The following FAM184B variants were observed in gnomAD, a reference collection of about 807,000 sequenced individuals.
The protein encoded by FAM184B is protein FAM184B.
In FAM184B, 111 loss-of-function variants were observed where a neutral mutation model predicts 135.9. The ratio of observed to expected loss-of-function variants is 0.82; its 90% CI spans 0.70 to 0.96. FAM184B has a LOEUF of 0.96. FAM184B is among the 40% of genes least tolerant of loss of function. The pLI is 0.00. For synonymous variants in FAM184B, 552 were observed against 524.8 expected, an observed-to-expected ratio of 1.05 and a Z score of -0.71; for missense variants, 1,375 against 1,323.9, an observed-to-expected ratio of 1.04 and a Z score of -0.60.
intron 1 of FAM184B, among the ~76,000 whole-genome samples, chr4:17,715,272 C>T (rs1036930132): frequency 6.6e-6 from 1 of 151,880 alleles, no homozygotes; most frequent in African/African-American, 2.4e-5. Flanking sequence ...GTCAGGAGTT[C>T]GAGACCAGCC....
chr4:17,747,389 C>T (rs193266092), intron 1 of FAM184B, among the ~76,000 whole-genome samples: 105 of 152,176 alleles, frequency 6.9e-4, no homozygotes, highest in Non-Finnish European at 1.2e-3. Flanking sequence ...GGTTTAGCTC[C>T]GTTTCTGGCA....
intron 8 of FAM184B, among the ~76,000 whole-genome samples, chr4:17,661,322 G>A (rs189145759): frequency 6.6e-5 from 10 of 152,132 alleles, no homozygotes; most frequent in African/African-American, 1.9e-4. Flanking sequence ...AGGCAGAGGC[G>A]GGTGGATGAC....
Position 17,769,872 on chromosome 4 carries a change from T to C in FAM184B, c.141+11287A>G, listed in dbSNP as rs116902059. Among the ~76,000 whole-genome samples, 63 of 152,294 alleles carry C rather than the reference T, an allele frequency of 4.1e-4. 1 individual carries two copies. The East Asian group carries it at 0.012, about 28-fold the overall frequency. On this transcript the variant is annotated intron_variant, in intron 1 of 17. Transcript: ENST00000265018. ...GAGGACAGAAATAGACAGAAATCCC[T>C]ACCCTTAGGCAATAAACCAATAAAG...
intron 1 of FAM184B, among the ~76,000 whole-genome samples, chr4:17,720,883 TAAAAAAAA>T (rs59409749): frequency 2.0e-5 from 2 of 100,330 alleles, no homozygotes; most frequent in South Asian, 3.4e-4. Flanking sequence ...AGACTTCATC[TAAAAAAAA>T]AAAAAAAAAA....
chr4:17,637,297 G>A (rs533012083), intron 14 of FAM184B, among the ~76,000 whole-genome samples: 51 of 152,198 alleles, frequency 3.4e-4, no homozygotes, highest in Non-Finnish European at 6.8e-4. Flanking sequence ...AAAGTGCTGG[G>A]ATTACAGGCG....
intron 1 of FAM184B, among the ~76,000 whole-genome samples, chr4:17,755,177 C>T (rs927204204): frequency 2.0e-5 from 3 of 151,974 alleles, no homozygotes; most frequent in Non-Finnish European, 2.9e-5. Context: ...TTTTATACCT[C>T]AATTTGAATA....
chr4:17,662,146 G>A lies in FAM184B; in HGVS notation c.1695-2059C>T, dbSNP rs192029787. On this transcript the variant is annotated intron_variant, in intron 8 of 17. Transcript: ENST00000265018. ...ATGTTGCTCCTCATCATGACTTTTG[G>A]CCTCATCCATGTTGTTGTGTATGTC... is the stretch of plus-strand genomic sequence containing the variant. Among the ~76,000 whole-genome samples, 58 of 152,102 alleles carry A rather than the reference G, an allele frequency of 3.8e-4. 1 individual carries two copies. In the East Asian group the frequency reaches 0.01, roughly 27 times the overall value.
In FAM184B at chr4:17,636,610, G is replaced by C. The variant is rs1483292394; in HGVS notation, c.2702C>G (p.Ala901Gly). 1.3e-6 allele frequency: 2 copies of C among 1,550,358 alleles called. No individual in the cohort carries two copies. Among genetic ancestry groups the C allele is most frequent in the Non-Finnish European group, 1.7e-6 (2 of 1,146,810 alleles). Residue 901 changes from alanine (A) to glycine (G), a missense_variant, in exon 15 of 18, where the codon GCG becomes GGG. Physicochemically the swap from Ala to Gly is moderately conservative, Grantham distance 60 (BLOSUM62 0). Transcript: ENST00000265018. ...GAGCTGAAGGTCCTCGGGCCTGGAC[G>C]CTCCCTTCCCTGGCTTCTCTCCGGA... is the stretch of plus-strand genomic sequence containing the variant. ...KDSGEKPGKGASRPEDLQLIG... is the reference protein window; with the variant it reads ...KDSGEKPGKGGSRPEDLQLIG...
Position 17,647,528 on chromosome 4 carries a change from T to C in FAM184B, c.2346+109A>G, listed in dbSNP as rs181827556. On this transcript the variant is annotated intron_variant, in intron 12 of 17. Coordinates refer to ENST00000265018, the MANE Select transcript of FAM184B (RefSeq NM_015688.2). ...GCCTCCCAAAGTGCTAGATTCCAAG[T>C]GTGAGCCACTGCACTCAGCCTCAGA... 2.4e-3 allele frequency: 3,237 copies of C among 1,335,518 alleles called. 5 individuals carry two copies. Among genetic ancestry groups the C allele is most frequent in the Non-Finnish European group, 3.0e-3 (2,962 of 996,700 alleles). 82.7% of individuals were successfully genotyped at this position (1,335,518 alleles called of 1,614,324 possible). A position where few individuals can be genotyped will look rare whatever the true frequency, so the allele number is the denominator to read the frequency against.
intron 12 of FAM184B, among the ~76,000 whole-genome samples, chr4:17,645,775 T>C (rs1715450377): frequency 6.6e-6 from 1 of 151,854 alleles, no homozygotes; most frequent in Non-Finnish European, 1.5e-5. Context: ...GAAACTACCA[T>C]CAGAGTGAAC....
chr4:17,653,061 C>T (rs1239896434), intron 10 of FAM184B, 78 bp from the exon 11 acceptor site: 1 of 1,389,302 alleles, frequency 7.2e-7, no homozygotes, highest in African/African-American at 1.4e-5. Context: ...CCAAGCTCTT[C>T]TGAGCCAGGA....
Position 17,770,133 on chromosome 4 carries a change from A to C in FAM184B, c.141+11026T>G, listed in dbSNP as rs1391996420. 3.3e-5 allele frequency among the ~76,000 whole-genome samples: 5 copies of C among 152,362 alleles called. No individual in the cohort carries two copies. In the East Asian group the frequency reaches 9.6e-4, roughly 29 times the overall value. Reference sequence around the variant, plus strand: ...CTACCTCAAGTGACCACAATAAAAAAATTTATTATAAGGTGAATACATTTT... The same window carrying C: ...CTACCTCAAGTGACCACAATAAAAACATTTATTATAAGGTGAATACATTTT... On this transcript the variant is annotated intron_variant, in intron 1 of 17. Transcript: ENST00000265018.
At chr4:17,685,717 T>C (rs1716566634) in intron 7 of FAM184B, among the ~76,000 whole-genome samples, 1 of 152,114 alleles carries the variant, frequency 6.6e-6, no homozygotes, top group Admixed American at 6.5e-5. Flanking sequence ...ACATTTTTGG[T>C]TGGAAAGGTA....
chr4:17,683,692 C>G (rs1716501063), intron 7 of FAM184B, among the ~76,000 whole-genome samples: 1 of 152,042 alleles, frequency 6.6e-6, no homozygotes, highest in African/African-American at 2.4e-5. Context: ...CAAGGGAGAA[C>G]TAGGTGGTTG....
intron 7 of FAM184B, among the ~76,000 whole-genome samples, chr4:17,672,417 T>C (rs1458258199): frequency 1.3e-5 from 2 of 152,232 alleles, no homozygotes; most frequent in African/African-American, 4.8e-5. Context: ...TGAAGAGTGA[T>C]GATAGTGGGC....
chr4:17,736,228 A>T (rs1717905581), intron 1 of FAM184B, among the ~76,000 whole-genome samples: 1 of 152,178 alleles, frequency 6.6e-6, no homozygotes, highest in Admixed American at 6.6e-5. Flanking sequence ...AAACAACAGA[A>T]CTAGGATTCT....
rs561670611 is a variant in FAM184B, at chr4:17,779,398, A to T, written c.141+1761T>A. Among the ~76,000 whole-genome samples the T allele has an allele frequency of 3.9e-5, 6 of 152,366 alleles. No individual in the cohort carries two copies. In the East Asian group the frequency reaches 5.8e-4, roughly 15 times the overall value. ...TGGTAAACAGACGCACTACATAAGG[A>T]TCAATTGCGATTTCTAATGCAGAAT... On this transcript the variant is annotated intron_variant, in intron 1 of 17. Transcript: ENST00000265018.
intron 11 of FAM184B, among the ~76,000 whole-genome samples, chr4:17,649,336 G>C (rs1715544874): frequency 1.3e-5 from 2 of 152,178 alleles, no homozygotes; most frequent in African/African-American, 4.8e-5. Context: ...TGAAATCCCA[G>C]CACTTTGGGA....
chr4:17,755,387 A>T (rs1271524452), intron 1 of FAM184B, among the ~76,000 whole-genome samples: 1 of 152,224 alleles, frequency 6.6e-6, no homozygotes, highest in East Asian at 1.9e-4. Flanking sequence ...CAGAATGGTG[A>T]TTATTAAAAA....
Sources: gnomAD v4.1 joint callset for allele counts (sites outside exome capture counted in the v4.1 genomes callset) on GRCh38, gnomAD v4.1.1 for gene constraint, MANE v1.5 for transcripts, NCBI Gene and HGNC (gene_info 2026-07-23, HGNC 2026-07-21) for gene names.